Variants in SYN3 observed in about 807,000 individuals in gnomAD.
SYN3 encodes the protein synapsin III.
In SYN3, 35 loss-of-function variants were observed where a neutral mutation model predicts 65.8. That is an observed-to-expected ratio of 0.53 (90% confidence interval 0.41 to 0.70). The LOEUF (loss-of-function observed/expected upper bound fraction) is 0.70. Among genes scored for constraint, SYN3 ranks in the 30% least tolerant of loss-of-function variants. The pLI, the probability that SYN3 is intolerant of heterozygous loss-of-function variation, is 0.00. For synonymous variants in SYN3, 270 were observed against 292.9 expected (o/e 0.92, Z 0.80); for missense variants, 680 against 749.0 (o/e 0.91, Z 1.08).
intron 6 of SYN3, among the ~76,000 whole-genome samples, chr22:32,795,222 A>C (rs539345073): frequency 5.4e-4 from 82 of 152,384 alleles, no homozygotes; most frequent in African/African-American, 1.9e-3. Flanking sequence ...AAAAATGTAC[A>C]GAAGCAGCAA....
rs1372357113 is a variant in SYN3, at chr22:32,531,127, C to T, written c.1096-2119G>A. Among the ~76,000 whole-genome samples the T allele has an allele frequency of 8.6e-5, 10 of 116,848 alleles. 1 individual carries two copies. Among genetic ancestry groups the T allele is most frequent in the East Asian group, 2.7e-4 (1 of 3,712 alleles). 76.7% of individuals were successfully genotyped at this position (116,848 alleles called of 152,430 possible). Reference sequence around the variant, plus strand: ...CTTTCCTCTTCCCTCTTTCCCCTGGCGACAGAATGAGACCCCGTCTCAAAA... The same window carrying T: ...CTTTCCTCTTCCCTCTTTCCCCTGGTGACAGAATGAGACCCCGTCTCAAAA... On this transcript the variant is annotated intron_variant, in intron 10 of 13. Transcript: ENST00000358763.
chr22:32,722,658 CA>C (rs2074558075), intron 6 of SYN3, among the ~76,000 whole-genome samples: 1 of 152,212 alleles, frequency 6.6e-6, no homozygotes, highest in African/African-American at 2.4e-5. Flanking sequence ...AGATGCCTCA[CA>C]GGGGTGGGGA....
rs574296685 is a variant in SYN3, at chr22:32,528,765, A to G, written c.1230+109T>C. 1,376 of 1,468,136 alleles carry G rather than the reference A, an allele frequency of 9.4e-4. 2 individuals carry two copies. The highest frequency in any genetic ancestry group is 1.2e-3 in the Non-Finnish European group (1,286 of 1,085,364). The allele number at this position is 1,468,136 out of a possible 1,614,324, so 90.9% of individuals were successfully genotyped here. ...TCCACACCCCCATTCCTTCTCCCCA[A>G]GGTGGTTTCTTCCTGGGGGTATCCC... On this transcript the variant is annotated intron_variant, in intron 11 of 13. Coordinates refer to ENST00000358763, the MANE Select transcript of SYN3 (RefSeq NM_003490.4).
intron 4 of SYN3, among the ~76,000 whole-genome samples, chr22:32,879,821 T>C (rs1252497045): frequency 1.3e-5 from 2 of 152,198 alleles, no homozygotes; most frequent in Non-Finnish European, 2.9e-5. Flanking sequence ...CTGGTCCATA[T>C]AAAGTCAACA....
At chr22:32,907,026 A>T (rs1389811898) in intron 4 of SYN3, among the ~76,000 whole-genome samples, 1 of 152,222 alleles carries the variant, frequency 6.6e-6, no homozygotes, top group Non-Finnish European at 1.5e-5. Context: ...TATACTCAAT[A>T]GTGGGATTGC....
intron 6 of SYN3, among the ~76,000 whole-genome samples, chr22:32,669,226 G>A (rs1315576434): frequency 6.6e-6 from 1 of 152,122 alleles, no homozygotes; most frequent in Non-Finnish European, 1.5e-5. Context: ...TGAATGCTCT[G>A]ATATCCTGTC....
At chr22:32,731,667 T>A (rs1282301107) in intron 6 of SYN3, among the ~76,000 whole-genome samples, 1 of 152,146 alleles carries the variant, frequency 6.6e-6, no homozygotes, top group Non-Finnish European at 1.5e-5. Flanking sequence ...TGTCTTTATG[T>A]CTATAGTAGA....
intron 2 of SYN3, among the ~76,000 whole-genome samples, chr22:32,993,004 G>T (rs1250944288): frequency 5.9e-5 from 9 of 152,072 alleles, no homozygotes; most frequent in Non-Finnish European, 1.5e-5. Flanking sequence ...TGGTGGGACT[G>T]TCCCAAAGTG....
At chr22:32,635,441 C>T (rs1270111450) in intron 6 of SYN3, among the ~76,000 whole-genome samples, 1 of 152,234 alleles carries the variant, frequency 6.6e-6, no homozygotes, top group Non-Finnish European at 1.5e-5. Context: ...TATTTACTCA[C>T]AGCTGATGCT....
chr22:32,982,400 C>A (rs114875673), intron 2 of SYN3, among the ~76,000 whole-genome samples: 16 of 152,104 alleles, frequency 1.1e-4, no homozygotes, highest in Non-Finnish European at 1.9e-4. Context: ...TCTTCCCCAT[C>A]ATCAGTACAT....
Position 32,509,396 on chromosome 22 carries a change from C to T in SYN3, c.*4296G>A, listed in dbSNP as rs2057666600. On this transcript the variant is annotated 3_prime_UTR_variant, in exon 14 of 14. Coordinates refer to ENST00000358763, the MANE Select transcript of SYN3 (RefSeq NM_003490.4). Reference sequence around the variant, plus strand: ...AGTCTATACAGCATGACTCCCCTCTCCCTCCTTTTTGCCCTTTCCCATTTC... The same window carrying T: ...AGTCTATACAGCATGACTCCCCTCTTCCTCCTTTTTGCCCTTTCCCATTTC... Among the ~76,000 whole-genome samples, 1 of 152,132 alleles carries T rather than the reference C, an allele frequency of 6.6e-6. No homozygotes were observed. Among genetic ancestry groups the T allele is most frequent in the Non-Finnish European group, 1.5e-5 (1 of 68,022 alleles).
Position 32,518,800 on chromosome 22 carries a change from G to A in SYN3, c.1319-466C>T, listed in dbSNP as rs1055945110. On this transcript the variant is annotated intron_variant, in intron 12 of 13. Coordinates refer to ENST00000358763, the MANE Select transcript of SYN3 (RefSeq NM_003490.4). ...TAGAGTGAGTCTCGGGCTGCGTTAC[G>A]GACTGAATTGTGTTCACCCTGTCCC... 3.3e-5 allele frequency among the ~76,000 whole-genome samples: 5 copies of A among 152,106 alleles called. No individual in the cohort carries two copies. In the South Asian group the frequency reaches 8.3e-4, roughly 25 times the overall value.
In SYN3 at chr22:32,770,434, C is replaced by T. The variant is rs144188941; in HGVS notation, c.711+94481G>A. ...GCCTGTGTGATCTGCTCTTCCCTAT[C>T]CCCATAACATCTCTACCCTCATCTT... On this transcript the variant is annotated intron_variant, in intron 6 of 13. Transcript: ENST00000358763. 2.6e-3 allele frequency among the ~76,000 whole-genome samples: 395 copies of T among 152,262 alleles called. 1 individual carries two copies. Among genetic ancestry groups the T allele is most frequent in the Middle Eastern group, 0.014 (4 of 294 alleles).
At chr22:32,528,300 C>G (rs779585338) in intron 11 of SYN3, among the ~76,000 whole-genome samples, 1 of 152,176 alleles carries the variant, frequency 6.6e-6, no homozygotes, top group Admixed American at 6.5e-5. Context: ...TCATAGATTA[C>G]TTTCTGTGGG....
intron 6 of SYN3, among the ~76,000 whole-genome samples, chr22:32,839,422 T>C (rs543707972): frequency 4.3e-4 from 66 of 152,240 alleles, no homozygotes; most frequent in African/African-American, 1.5e-3. Context: ...ATTCTAATCA[T>C]GCTTGGTGAA....
intron 6 of SYN3, among the ~76,000 whole-genome samples, chr22:32,706,640 G>A (rs555350659): frequency 2.6e-4 from 39 of 152,334 alleles, no homozygotes; most frequent in Admixed American, 6.5e-4. Flanking sequence ...GGCAGCTGAG[G>A]GGCAGATGGG....
chr22:32,775,308 G>C (rs543245349), intron 6 of SYN3, among the ~76,000 whole-genome samples: 1 of 152,160 alleles, frequency 6.6e-6, no homozygotes, highest in East Asian at 1.9e-4. Context: ...CCTCCTTACA[G>C]GCCCTATCAC....
At chr22:32,521,866 T>G (rs984383189) in intron 12 of SYN3, among the ~76,000 whole-genome samples, 6 of 152,200 alleles carry the variant, frequency 3.9e-5, no homozygotes, top group African/African-American at 1.4e-4. Context: ...CTTCCCAGGT[T>G]GATATCTTAG....
At chr22:32,723,063 A>G (rs1009807641) in intron 6 of SYN3, among the ~76,000 whole-genome samples, 1 of 152,164 alleles carries the variant, frequency 6.6e-6, no homozygotes, top group Admixed American at 6.5e-5. Context: ...TGACTTTCCC[A>G]AGGTCACGCA....
Sources: gnomAD v4.1 joint callset for allele counts (sites outside exome capture counted in the v4.1 genomes callset) on GRCh38, gnomAD v4.1.1 for gene constraint, MANE v1.5 for transcripts, NCBI Gene and HGNC (gene_info 2026-07-23, HGNC 2026-07-21) for gene names.